Variants in GRM1 observed in about 807,000 individuals in gnomAD.
GRM1 encodes metabotropic glutamate receptor 1.
GRM1 carries 33 observed loss-of-function variants against 90.9 expected under a neutral mutation model. The ratio of observed to expected loss-of-function variants is 0.36; its 90% CI spans 0.28 to 0.49. The LOEUF (loss-of-function observed/expected upper bound fraction) is 0.49. Among genes scored for constraint, GRM1 ranks in the 20% least tolerant of loss-of-function variants. The probability of loss-of-function intolerance (pLI) is 0.99; values close to 1 mark genes in which losing one functional copy is unlikely to be tolerated. For synonymous variants in GRM1, 700 were observed against 613.2 expected (o/e 1.14, Z -2.09); for missense variants, 1,190 against 1,534.3 (o/e 0.78, Z 3.75).
intron 1 of GRM1, among the ~76,000 whole-genome samples, chr6:146,141,713 C>A (rs900873122): frequency 6.6e-6 from 1 of 152,050 alleles, no homozygotes; most frequent in African/African-American, 2.4e-5. Flanking sequence ...TTTTTCAACT[C>A]GGATTTCTGC....
chr6:146,350,478 T>C (rs935526267), intron 3 of GRM1, among the ~76,000 whole-genome samples: 10 of 152,106 alleles, frequency 6.6e-5, no homozygotes, highest in African/African-American at 2.4e-4. Context: ...GTTTTTTTTT[T>C]TCTTTAACTC....
At chr6:146,153,535 G>T (rs964851127) in intron 1 of GRM1, among the ~76,000 whole-genome samples, 3 of 152,138 alleles carry the variant, frequency 2.0e-5, no homozygotes, top group African/African-American at 7.2e-5. Context: ...AGTCAAATAC[G>T]TAATACTCAG....
chr6:146,406,552 G>T (rs1310854154), intron 7 of GRM1, among the ~76,000 whole-genome samples: 1 of 152,040 alleles, frequency 6.6e-6, no homozygotes, highest in African/African-American at 2.4e-5. Flanking sequence ...GGGTAGGCTG[G>T]GCATGGTAGC....
rs193056263 is a variant in GRM1, at chr6:146,361,280, A to C, written c.1602+3586A>C. ...ACAGAAGATGAACGAGCAGTGACTGAGACTGCAGTAGCAGTCATAACAGCA... is the reference window on the plus strand; with the variant it reads ...ACAGAAGATGAACGAGCAGTGACTGCGACTGCAGTAGCAGTCATAACAGCA... On this transcript the variant is annotated intron_variant, in intron 5 of 7. Coordinates refer to ENST00000282753, the MANE Select transcript of GRM1 (RefSeq NM_001278064.2). 7.2e-4 allele frequency among the ~76,000 whole-genome samples: 110 copies of C among 152,344 alleles called. 1 individual carries two copies. The highest frequency in any genetic ancestry group is 2.6e-3 in the African/African-American group (107 of 41,582).
chr6:146,217,809 A>G (rs907709872), intron 2 of GRM1, among the ~76,000 whole-genome samples: 1 of 151,202 alleles, frequency 6.6e-6, no homozygotes, highest in Non-Finnish European at 1.5e-5. Flanking sequence ...GGGAGCATCA[A>G]GAATAGAGGA....
chr6:146,253,551 G>A (rs771183996), intron 2 of GRM1, among the ~76,000 whole-genome samples: 4 of 152,116 alleles, frequency 2.6e-5, no homozygotes, highest in Non-Finnish European at 4.4e-5. Context: ...AAGAGTTCCA[G>A]AACTCTGGTT....
At chr6:146,030,640 C>T (rs1790672858) in intron 1 of GRM1, among the ~76,000 whole-genome samples, 1 of 152,154 alleles carries the variant, frequency 6.6e-6, no homozygotes, top group Non-Finnish European at 1.5e-5. Context: ...TACTATTCCA[C>T]AAATAGGACT....
rs771766866 is a variant in GRM1 at position 146,435,929 on chromosome 6, G to A, written c.*1133G>A. 1.3e-5 allele frequency: 2 copies of A among 152,620 alleles called. No homozygotes were observed. The highest frequency in any genetic ancestry group is 6.5e-5 in the Admixed American group (1 of 15,284). The allele number at this position is 152,620 out of a possible 1,614,324, so 9.5% of individuals were successfully genotyped here. A position where few individuals can be genotyped will look rare whatever the true frequency, so the allele number is the denominator to read the frequency against. On this transcript the variant is annotated 3_prime_UTR_variant, in exon 8 of 8. Transcript: ENST00000282753. ...CAAATCCATCTTTGAATCTAATGGT[G>A]TACTCATAGCAACTATTACTGGTTT... is the stretch of plus-strand genomic sequence containing the variant.
chr6:146,085,601 G>A (rs1287776463), intron 1 of GRM1, among the ~76,000 whole-genome samples: 2 of 152,070 alleles, frequency 1.3e-5, no homozygotes, highest in Non-Finnish European at 2.9e-5. Flanking sequence ...TCTTCTCAGT[G>A]CTTTTTAATT....
In GRM1 at chr6:146,061,204, A is replaced by T. The variant is rs983566437; in HGVS notation, c.700+30987A>T. On this transcript the variant is annotated intron_variant, in intron 1 of 7. Coordinates refer to ENST00000282753, the MANE Select transcript of GRM1 (RefSeq NM_001278064.2). ...ACAATAGTGACATTCAGGATCACTT[A>T]TCATAGATCATCATAAGAGATATAA... is the stretch of plus-strand genomic sequence containing the variant. 1.1e-4 allele frequency among the ~76,000 whole-genome samples: 17 copies of T among 152,142 alleles called. 1 individual carries two copies. Among genetic ancestry groups the T allele is most frequent in the East Asian group, 1.9e-4 (1 of 5,186 alleles).
At chr6:146,104,944 GGA>G (rs1777177391) in intron 1 of GRM1, among the ~76,000 whole-genome samples, 1 of 152,188 alleles carries the variant, frequency 6.6e-6, no homozygotes, top group Non-Finnish European at 1.5e-5. Flanking sequence ...GTCTTTGTAA[GGA>G]GAGAGGGGGT....
At chr6:146,355,727 G>C (rs1410748568) in intron 4 of GRM1, among the ~76,000 whole-genome samples, 1 of 152,182 alleles carries the variant, frequency 6.6e-6, no homozygotes, top group Non-Finnish European at 1.5e-5. Flanking sequence ...TGCCAACTTA[G>C]TTTGATTGGC....
intron 1 of GRM1, among the ~76,000 whole-genome samples, chr6:146,032,932 G>T (rs1357938315): frequency 6.6e-6 from 1 of 151,946 alleles, no homozygotes; most frequent in Admixed American, 6.6e-5. Flanking sequence ...TTATATTGAA[G>T]CTAAACTTGC....
chr6:146,091,209 C>T (rs1562457432), intron 1 of GRM1, among the ~76,000 whole-genome samples: 1 of 152,104 alleles, frequency 6.6e-6, no homozygotes, highest in Non-Finnish European at 1.5e-5. Flanking sequence ...TGAGTTCCTT[C>T]TTCCCATTGG....
At chr6:146,377,288 GT>G (rs1284632971) in intron 5 of GRM1, among the ~76,000 whole-genome samples, 2 of 152,120 alleles carry the variant, frequency 1.3e-5, no homozygotes, top group African/African-American at 2.4e-5. Context: ...AGACAGGAAA[GT>G]GTAGGAAAGT....
rs142433376 is a variant in GRM1 at position 146,225,055 on chromosome 6, C to A, written c.950+65458C>A. 3.9e-3 allele frequency among the ~76,000 whole-genome samples: 599 copies of A among 152,226 alleles called. 5 individuals are homozygous for A. Among genetic ancestry groups the A allele is most frequent in the African/African-American group, 0.013 (537 of 41,562 alleles). On this transcript the variant is annotated intron_variant, in intron 2 of 7. Coordinates refer to ENST00000282753, the MANE Select transcript of GRM1 (RefSeq NM_001278064.2). ...ATCTGGATACTCTTCCAATTTTTCT[C>A]TGCTAAATTCTCCTTAGCCCTCTAG...
chr6:146,145,049 T>A (rs1777035029), intron 1 of GRM1, among the ~76,000 whole-genome samples: 1 of 152,194 alleles, frequency 6.6e-6, no homozygotes, highest in Admixed American at 6.5e-5. Context: ...TCTGTCAGAA[T>A]AAATTTCTAA....
chr6:146,397,868 A>G (rs991054785), intron 6 of GRM1, among the ~76,000 whole-genome samples: 28 of 152,322 alleles, frequency 1.8e-4, no homozygotes, highest in South Asian at 8.3e-4. Context: ...TGCCATGGCT[A>G]CAGAACAATG....
chr6:146,196,887 C>T (rs968759831), intron 2 of GRM1, among the ~76,000 whole-genome samples: 4 of 152,028 alleles, frequency 2.6e-5, no homozygotes, highest in Admixed American at 2.6e-4. Context: ...CGATACAAAG[C>T]CCTGTGTTGG....
Sources: allele counts gnomAD v4.1 joint callset (sites outside exome capture counted in the v4.1 genomes callset), GRCh38; gene constraint gnomAD v4.1.1; transcripts MANE v1.5; gene names NCBI Gene and HGNC (gene_info 2026-07-23, HGNC 2026-07-21).